The following SCO1 variants were observed in gnomAD, a reference collection of about 807,000 sequenced individuals.
The protein encoded by SCO1 is synthesis of cytochrome C oxidase 1.
SCO1 carries 23 observed loss-of-function variants against 34.0 expected under a neutral mutation model. That is an observed-to-expected ratio of 0.68 (90% CI 0.49 to 0.96). The LOEUF (loss-of-function observed/expected upper bound fraction) is 0.96. Ranked by LOEUF, SCO1 falls within the 40% of genes least tolerant of loss-of-function variation. The pLI, the probability that SCO1 is intolerant of heterozygous loss-of-function variation, is 0.00. For missense variants in SCO1, 404 were observed against 381.6 expected (o/e 1.06, Z -0.49); for synonymous variants, 161 against 145.5 (o/e 1.11, Z -0.77).
At chr17:10,689,479 T>C (rs1255653810) in intron 4 of SCO1, among the ~76,000 whole-genome samples, 2 of 151,886 alleles carry the variant, frequency 1.3e-5, no homozygotes, top group East Asian at 3.8e-4. Context: ...AATGTTACCA[T>C]AATTAAAATT....
At position 10,679,737 on chromosome 17, in the gene SCO1, G is replaced by T. The variant is rs2074608181; in HGVS notation, c.*1382C>A. On this transcript the variant is annotated 3_prime_UTR_variant, in exon 6 of 6. Transcript: ENST00000255390. ...TCAATGGCTGACACACCAAAAGAAGGGTCAAATTTATTTATTTTTAAATTC... is the reference window on the plus strand; with the variant it reads ...TCAATGGCTGACACACCAAAAGAAGTGTCAAATTTATTTATTTTTAAATTC... 5.3e-5 allele frequency: 8 copies of T among 151,070 alleles called. 1 individual carries two copies. The South Asian group carries it at 1.7e-3, about 31-fold the overall frequency. 9.4% of individuals were successfully genotyped at this position (151,070 alleles called of 1,614,324 possible).
In SCO1 at chr17:10,697,294, G is replaced by A. The variant is rs1373692285; in HGVS notation, c.214C>T (p.Pro72Ser). ...CCCTTCTGCGACCACGGGGGTGGCGGCCTCGCAGTGCTGAGGGGCCGGGTT... is the reference window on the plus strand; with the variant it reads ...CCCTTCTGCGACCACGGGGGTGGCGACCTCGCAGTGCTGAGGGGCCGGGTT... ...LGTRPLSTAR[P>S]PPPWSQKGPG... The change falls in exon 1 of 6, where the codon CCG becomes TCG. Residue 72 changes from proline to serine, a missense_variant. Physicochemically the swap from Pro to Ser is moderately conservative, Grantham distance 74. Transcript: ENST00000255390. 3 of 1,565,322 alleles carry A rather than the reference G, an allele frequency of 1.9e-6. No homozygotes were observed. The highest frequency in any genetic ancestry group is 1.7e-6 in the Non-Finnish European group (2 of 1,155,508).
intron 4 of SCO1, among the ~76,000 whole-genome samples, chr17:10,689,875 T>C (rs1000285433): frequency 6.6e-6 from 1 of 151,732 alleles, no homozygotes; most frequent in African/African-American, 2.4e-5. Flanking sequence ...CACAGACCAA[T>C]GGAACAGAAT....
intron 3 of SCO1, 79 bp from the exon 4 acceptor site, chr17:10,692,043 AG>A: frequency 2.0e-6 from 2 of 1,009,068 alleles, no homozygotes; most frequent in Non-Finnish European, 3.1e-6. Flanking sequence ...AGGAGAGTAT[AG>A]GACGTGCTGG....
At position 10,697,331 on chromosome 17, in the gene SCO1, G is replaced by A; in HGVS notation, c.177C>T (p.Gly59=). 1 of 1,572,790 alleles carries A rather than the reference G, an allele frequency of 6.4e-7. No individual in the cohort carries two copies. ...TGAGGGGCCGGGTTCCCAGGCAATA[G>A]CCAGGGCGCCCCGAGGCACGCCACG... The part of the protein sequence containing the change: ...AEAWRASGRP[G]YCLGTRPLST... Residue 59 remains glycine (G), a synonymous_variant, in exon 1 of 6, where the codon GGC becomes GGT. Coordinates refer to ENST00000255390, the MANE Select transcript of SCO1 (RefSeq NM_004589.4).
rs977003759 is a variant in SCO1, at chr17:10,692,763, C to T, written c.562+1G>A. ...TGTTTAGTTAGTGATGGCTTTCTTA[C>T]CTATTTCATCCACGACTTGAATCAT... is the stretch of plus-strand genomic sequence containing the variant. On this transcript the variant is annotated splice_donor_variant, in intron 3 of 5. Coordinates refer to ENST00000255390, the MANE Select transcript of SCO1 (RefSeq NM_004589.4). LOFTEE classifies it high-confidence loss of function. The T allele has an allele frequency of 6.2e-7, 1 of 1,613,042 alleles. No individual in the cohort carries two copies. Among genetic ancestry groups the T allele is most frequent in the Non-Finnish European group, 8.5e-7 (1 of 1,179,062 alleles).
chr17:10,692,062 G>C (rs2074693710), intron 3 of SCO1, 98 bp from the exon 4 acceptor site: 4 of 859,514 alleles, frequency 4.7e-6, no homozygotes, highest in Non-Finnish European at 7.9e-6. Flanking sequence ...TGGACAGCTA[G>C]GTGTTTTGAA....
At position 10,679,869 on chromosome 17, in the gene SCO1, G is replaced by A. The variant is rs1343601503; in HGVS notation, c.*1250C>T. The A allele has an allele frequency of 1.5e-5, 2 of 130,278 alleles. No individual in the cohort carries two copies. Among genetic ancestry groups the A allele is most frequent in the East Asian group, 2.5e-4 (1 of 3,954 alleles). The allele number at this position is 130,278 out of a possible 1,614,324, so 8.1% of individuals were successfully genotyped here. A position where few individuals can be genotyped will look rare whatever the true frequency, so the allele number is the denominator to read the frequency against. On this transcript the variant is annotated 3_prime_UTR_variant, in exon 6 of 6. Transcript: ENST00000255390. Reference sequence around the variant, plus strand: ...TAGCTCACTGAAGCCTTGAATTCCTGGGCTCAAGTGATACTCCATTTCAGT... The same window carrying A: ...TAGCTCACTGAAGCCTTGAATTCCTAGGCTCAAGTGATACTCCATTTCAGT...
chr17:10,697,477 C>T lies in SCO1; in HGVS notation c.31G>A (p.Val11Ile), dbSNP rs762016565. Residue 11 changes from valine (V) to isoleucine (I), a missense_variant, in exon 1 of 6, where the codon GTT becomes ATT. Transcript: ENST00000255390. ...AGTTGGCCACCCAGAGGCCGCATAA[C>T]TCGTCCGGGTACTAGGACCAGCATC... The part of the protein sequence containing the change: MAMLVLVPGR[V>I]MRPLGGQLWR... The T allele has an allele frequency of 5.2e-5, 84 of 1,613,386 alleles. No individual in the cohort carries two copies. In the East Asian group the frequency reaches 1.9e-3, roughly 36 times the overall value.
rs149466569 is a variant in SCO1, at chr17:10,689,473, TTACCA to T, written c.655+2394_655+2398del. 1.2e-3 allele frequency among the ~76,000 whole-genome samples: 179 copies of T among 152,296 alleles called. 1 individual carries two copies. Among genetic ancestry groups the T allele is most frequent in the African/African-American group, 3.8e-3 (159 of 41,572 alleles). On this transcript the variant is annotated intron_variant, in intron 4 of 5. Transcript: ENST00000255390. ...CTTTTAACCAGTTATTAAATCAATG[TTACCA>T]TAATTAAAATTCAGATTCCTGATTT...
chr17:10,682,023 C>CGTTT (rs1489689805), intron 5 of SCO1, among the ~76,000 whole-genome samples: 1 of 152,160 alleles, frequency 6.6e-6, no homozygotes, highest in Non-Finnish European at 1.5e-5. Context: ...AGAGAGTCAT[C>CGTTT]GTAAACTCAG....
chr17:10,683,928 C>T (rs1053205461), intron 5 of SCO1: 3 of 152,148 alleles, frequency 2.0e-5, no homozygotes, highest in Non-Finnish European at 4.4e-5. Context: ...CCCCTTACTT[C>T]CTGCAGGTCC....
At chr17:10,693,012 G>A (rs530785200) in intron 2 of SCO1, 51 bp from the exon 3 acceptor site, 1 of 1,535,308 alleles carries the variant, frequency 6.5e-7, no homozygotes, top group Admixed American at 1.7e-5. Context: ...AATTTAACCA[G>A]AGGTACTCAA....
At chr17:10,695,499 C>G in intron 2 of SCO1, 1 of 455,082 alleles carries the variant, frequency 2.2e-6, no homozygotes, top group Non-Finnish European at 4.0e-6. Flanking sequence ...CAAATACAAT[C>G]TGTAATTTAA....
At chr17:10,693,678 A>G (rs2074704286) in intron 2 of SCO1, among the ~76,000 whole-genome samples, 2 of 152,226 alleles carry the variant, frequency 1.3e-5, no homozygotes, top group Non-Finnish European at 1.5e-5. Flanking sequence ...CACTAAAAGG[A>G]AACAGCTTTT....
Position 10,681,031 on chromosome 17 carries a change from A to G in SCO1, c.*88T>C, listed in dbSNP as rs1226948337. 2.8e-6 allele frequency: 4 copies of G among 1,443,548 alleles called. No homozygotes were observed. Among genetic ancestry groups the G allele is most frequent in the Non-Finnish European group, 3.9e-6 (4 of 1,025,742 alleles). The allele number at this position is 1,443,548 out of a possible 1,614,324, so 89.4% of individuals were successfully genotyped here. On this transcript the variant is annotated 3_prime_UTR_variant, in exon 6 of 6. Transcript: ENST00000255390. ...GAAGGCCATTCTGTAGAGTGCACGT[A>G]TATATGTTTATATTTATATAGGCTC...
chr17:10,692,460 G>A (rs538704675), intron 3 of SCO1, among the ~76,000 whole-genome samples: 166 of 152,316 alleles, frequency 1.1e-3, no homozygotes, highest in African/African-American at 3.8e-3. Flanking sequence ...TAATTTAATT[G>A]TCACAATCAG....
At chr17:10,684,036 G>C (rs2151453011) in intron 5 of SCO1, 1 of 152,296 alleles carries the variant, frequency 6.6e-6, no homozygotes, top group African/African-American at 2.4e-5. Context: ...AGAAGCTGAA[G>C]AATGTCTCCC....
At chr17:10,690,610 T>C (rs1466332897) in intron 4 of SCO1, among the ~76,000 whole-genome samples, 2 of 152,202 alleles carry the variant, frequency 1.3e-5, no homozygotes, top group Non-Finnish European at 2.9e-5. Context: ...AGTATAACCA[T>C]TGTGGATAGC....
Sources: gnomAD v4.1 joint callset for allele counts (sites outside exome capture counted in the v4.1 genomes callset) on GRCh38, gnomAD v4.1.1 for gene constraint, MANE v1.5 for transcripts, NCBI Gene and HGNC (gene_info 2026-07-23, HGNC 2026-07-21) for gene names.